The following FBLN5 variants were observed in gnomAD, a reference collection of about 807,000 sequenced individuals.
The protein encoded by FBLN5 is fibulin-5.
In FBLN5, 24 loss-of-function variants were observed where a neutral mutation model predicts 61.6. The ratio of observed to expected loss-of-function variants is 0.39; its 90% CI spans 0.28 to 0.55. The LOEUF (loss-of-function observed/expected upper bound fraction) is 0.55. Among genes scored for constraint, FBLN5 ranks in the 20% least tolerant of loss-of-function variants. FBLN5 has a pLI of 0.65. For missense variants in FBLN5, 470 were observed against 594.1 expected, an observed-to-expected ratio of 0.79 and a Z score of 2.17; for synonymous variants, 213 against 219.8, an observed-to-expected ratio of 0.97 and a Z score of 0.27.
In FBLN5 at chr14:91,947,188, G is replaced by A. The variant is rs935225450; in HGVS notation, c.17+25C>T. 12 of 1,614,154 alleles carry A rather than the reference G, an allele frequency of 7.4e-6. No individual in the cohort carries two copies. Among genetic ancestry groups the A allele is most frequent in the Non-Finnish European group, 1.0e-5 (12 of 1,179,988 alleles). On this transcript the variant is annotated intron_variant, in intron 1 of 10. Coordinates refer to ENST00000342058, the MANE Select transcript of FBLN5 (RefSeq NM_006329.4). This position sits in a 1 kb window ranked among gnomAD's most constrained non-coding sequence, Gnocchi z 4.3. ...GCAAGGCTTCCAGACCCTGGAGAAA[G>A]AAAAGTCCAGCGCCGAGAACCCACC...
chr14:91,904,038 G>A (rs1364671574), intron 4 of FBLN5, among the ~76,000 whole-genome samples: 1 of 152,180 alleles, frequency 6.6e-6, no homozygotes, highest in Non-Finnish European at 1.5e-5. Flanking sequence ...TGAGAGTTAA[G>A]CCTACTTTCC....
At chr14:91,875,697 C>T (rs1319405720) in intron 10 of FBLN5, among the ~76,000 whole-genome samples, 1 of 152,186 alleles carries the variant, frequency 6.6e-6, no homozygotes, top group Non-Finnish European at 1.5e-5. Flanking sequence ...CCTGGAGGAG[C>T]CAGGGCCAGC....
At chr14:91,900,128 TC>T (rs1035832649) in intron 4 of FBLN5, among the ~76,000 whole-genome samples, 7 of 152,182 alleles carry the variant, frequency 4.6e-5, no homozygotes, top group Non-Finnish European at 8.8e-5. Context: ...TTTTATGTCC[TC>T]CCCTTGGGAG....
intron 4 of FBLN5, among the ~76,000 whole-genome samples, chr14:91,905,234 T>A (rs1398430056): frequency 6.6e-6 from 1 of 152,166 alleles, no homozygotes; most frequent in African/African-American, 2.4e-5. Flanking sequence ...CAGGGTGATC[T>A]GGTACACATC....
At chr14:91,936,875 G>A (rs2056024246) in intron 4 of FBLN5, 72 bp downstream of exon 4, 1 of 1,576,236 alleles carries the variant, frequency 6.3e-7, no homozygotes, top group African/African-American at 1.3e-5. Flanking sequence ...CCCATTTGTG[G>A]TGAGCATGCC....
At position 91,943,697 on chromosome 14, in the gene FBLN5, G is replaced by A. The variant is rs2056142102; in HGVS notation, c.18-736C>T. On this transcript the variant is annotated intron_variant, in intron 1 of 10. Coordinates refer to ENST00000342058, the MANE Select transcript of FBLN5 (RefSeq NM_006329.4). The surrounding 1 kb of genome is among the most constrained non-coding windows in gnomAD (Gnocchi z 4.0). ...AAAGTGAGAATGTGAGGCACTTTGA[G>A]TGGCACCAAAGAAAGGTGTCACAGG... Among the ~76,000 whole-genome samples, 2 of 152,210 alleles carry A rather than the reference G, an allele frequency of 1.3e-5. No homozygotes were observed. Among genetic ancestry groups the A allele is most frequent in the South Asian group, 4.1e-4 (2 of 4,826 alleles).
intron 3 of FBLN5, among the ~76,000 whole-genome samples, chr14:91,939,065 C>A (rs2056065702): frequency 6.6e-6 from 1 of 152,172 alleles, no homozygotes; most frequent in African/African-American, 2.4e-5. Context: ...TCTATCTCCC[C>A]TCTGGAGCAT....
intron 4 of FBLN5, among the ~76,000 whole-genome samples, chr14:91,914,495 A>C (rs977736339): frequency 4.7e-5 from 7 of 150,486 alleles, no homozygotes; most frequent in Non-Finnish European, 8.9e-5. Context: ...AAAAAAAAAA[A>C]AAAAAACAAC....
chr14:91,870,921 G>A (rs1176207724), intron 10 of FBLN5, among the ~76,000 whole-genome samples: 3 of 152,086 alleles, frequency 2.0e-5, no homozygotes, highest in African/African-American at 7.2e-5. Flanking sequence ...ACCCCTCTGG[G>A]GCTCATCTCT....
In FBLN5 at chr14:91,937,199, T is replaced by A. The variant is rs143928468; in HGVS notation, c.127A>T (p.Ile43Phe). The A allele has an allele frequency of 1.2e-6, 2 of 1,614,128 alleles. No homozygotes were observed. Reference sequence around the variant, plus strand: ...TCGGGGATGGTTCGGCATTCATCAATATCTGAAAGGCACAGAAAGGGCGAG... The same window carrying A: ...TCGGGGATGGTTCGGCATTCATCAAAATCTGAAAGGCACAGAAAGGGCGAG... ...LDRQSGQCLDIDECRTIPEAC... is the reference protein window; with the variant it reads ...LDRQSGQCLDFDECRTIPEAC... Residue 43 changes from isoleucine to phenylalanine, a missense_variant and splice_region_variant, in exon 4 of 11, where the codon ATT (isoleucine) becomes TTT (phenylalanine). Transcript: ENST00000342058.
intron 7 of FBLN5, among the ~76,000 whole-genome samples, chr14:91,886,493 TA>T (rs755761572): frequency 6.6e-6 from 1 of 152,142 alleles, no homozygotes; most frequent in Non-Finnish European, 1.5e-5. Flanking sequence ...ATAAGAAAAT[TA>T]TAATAGAGTC....
chr14:91,896,455 A>G lies in FBLN5; in HGVS notation c.380-1383T>C, dbSNP rs536029616. On this transcript the variant is annotated intron_variant, in intron 4 of 10. Transcript: ENST00000342058. ...TTTCTCCACCTTCACCGAATGGACC[A>G]TGGTGCAGTCGGAAGTAATACTGAA... Among the ~76,000 whole-genome samples, 5 of 42,106 alleles carry G rather than the reference A, an allele frequency of 1.2e-4. No individual in the cohort carries two copies. In the South Asian group the frequency reaches 2.9e-3, roughly 24 times the overall value. 27.6% of individuals were successfully genotyped at this position (42,106 alleles called of 152,430 possible). A position where few individuals can be genotyped will look rare whatever the true frequency, so the allele number is the denominator to read the frequency against.
At chr14:91,904,299 A>G (rs1338121998) in intron 4 of FBLN5, among the ~76,000 whole-genome samples, 4 of 152,230 alleles carry the variant, frequency 2.6e-5, no homozygotes, top group East Asian at 3.8e-4. Context: ...CACCAGACAC[A>G]TCGGAAGAGA....
intron 6 of FBLN5, among the ~76,000 whole-genome samples, chr14:91,889,446 G>A (rs1889884518): frequency 1.3e-5 from 2 of 152,146 alleles, no homozygotes; most frequent in African/African-American, 4.8e-5. Context: ...GGCACACAGG[G>A]CCCCACTCCA....
At position 91,891,294 on chromosome 14, in the gene FBLN5, C is replaced by T. The variant is rs143767679; in HGVS notation, c.546G>A (p.Ala182=). The part of the protein sequence containing the change: ...CRYGYCQQLC[A]NVPGSYSCTC... ...TACAAGAATAGGATCCAGGAACATT[C>T]GCACAGAGCTGCTGGCAGTAACCAT... The change falls in exon 6 of 11, where the codon GCG becomes GCA. Residue 182 remains alanine (A), a synonymous_variant. Transcript: ENST00000342058. 35 of 1,613,954 alleles carry T rather than the reference C, an allele frequency of 2.2e-5. 1 individual carries two copies. The highest frequency in any genetic ancestry group is 3.3e-4 in the Middle Eastern group (2 of 6,062).
At chr14:91,903,749 C>A (rs1220557439) in intron 4 of FBLN5, among the ~76,000 whole-genome samples, 1 of 152,178 alleles carries the variant, frequency 6.6e-6, no homozygotes, top group Admixed American at 6.5e-5. Flanking sequence ...CTTCCCTTCA[C>A]GTCCCACTCT....
chr14:91,885,123 A>C lies in FBLN5; in HGVS notation c.740-2047T>G, dbSNP rs1249095964. On this transcript the variant is annotated intron_variant, in intron 7 of 10. Transcript: ENST00000342058. Reference sequence around the variant, plus strand: ...AATGGAGAAGTGCAGAAAGGGGTTAAGTAGGAAGGTGCAGAAACAGACTCT... The same window carrying C: ...AATGGAGAAGTGCAGAAAGGGGTTACGTAGGAAGGTGCAGAAACAGACTCT... 2.0e-5 allele frequency among the ~76,000 whole-genome samples: 3 copies of C among 152,318 alleles called. No homozygotes were observed. In the South Asian group the frequency reaches 6.2e-4, roughly 32 times the overall value.
At chr14:91,880,548 TG>T (rs1889385610) in intron 9 of FBLN5, among the ~76,000 whole-genome samples, 1 of 151,840 alleles carries the variant, frequency 6.6e-6, no homozygotes, top group African/African-American at 2.4e-5. Context: ...TGTGTGTGTG[TG>T]TGTGTGTGTG....
chr14:91,946,438 GACCA>G (rs2056185416), intron 1 of FBLN5, among the ~76,000 whole-genome samples: 1 of 152,104 alleles, frequency 6.6e-6, no homozygotes, highest in Non-Finnish European at 1.5e-5. Context: ...AAGCCGGAGA[GACCA>G]ACCAAATACC....
Sources: allele counts gnomAD v4.1 joint callset (sites outside exome capture counted in the v4.1 genomes callset), GRCh38; gene constraint gnomAD v4.1.1; non-coding constraint Gnocchi (gnomAD v3.1); transcripts MANE v1.5; gene names NCBI Gene and HGNC (gene_info 2026-07-23, HGNC 2026-07-21).